The following TBL1XR1 variants were observed in gnomAD, a reference collection of about 807,000 sequenced individuals.
The protein encoded by TBL1XR1 is F-box-like/WD repeat-containing protein TBL1XR1.
In TBL1XR1, 5 loss-of-function variants were observed where a neutral mutation model predicts 66.9. That is an observed-to-expected ratio of 0.07 (90% CI 0.04 to 0.16). The LOEUF (loss-of-function observed/expected upper bound fraction) is 0.16. Ranked by LOEUF, TBL1XR1 falls within the 10% of genes least tolerant of loss-of-function variation. The pLI is 1.00. For synonymous variants in TBL1XR1, 210 were observed against 206.0 expected (o/e 1.02, Z -0.17); for missense variants, 238 against 623.2 (o/e 0.38, Z 6.58).
chr3:177,051,607 T>A lies in TBL1XR1; in HGVS notation c.324A>T (p.Ala108=), dbSNP rs767835981. The A allele has an allele frequency of 6.2e-7, 1 of 1,613,564 alleles. No individual in the cohort carries two copies. The highest frequency in any genetic ancestry group is 1.1e-5 in the South Asian group (1 of 91,080). The part of the protein sequence containing the change: ...AYRDKLAQQQ[A]AAAAAAAAAA... Reference sequence around the variant, plus strand: ...CAGCTGCGGCAGCTGCAGCAGCTGCTGCCTGTTGCTGTGCAAGCTTATCTC... The same window carrying A: ...CAGCTGCGGCAGCTGCAGCAGCTGCAGCCTGTTGCTGTGCAAGCTTATCTC... The change falls in exon 5 of 16, where the codon GCA becomes GCT. Residue 108 remains alanine, a synonymous_variant. Coordinates refer to ENST00000457928, the MANE Select transcript of TBL1XR1 (RefSeq NM_024665.7).
chr3:177,184,092 C>T (rs956759056), intron 1 of TBL1XR1, among the ~76,000 whole-genome samples: 9 of 152,134 alleles, frequency 5.9e-5, no homozygotes, highest in Non-Finnish European at 1.0e-4. Flanking sequence ...TCTGAGGTTG[C>T]TCCAGTTGAA....
intron 1 of TBL1XR1, among the ~76,000 whole-genome samples, chr3:177,111,350 G>A (rs924818790): frequency 1.3e-5 from 2 of 150,468 alleles, no homozygotes; most frequent in African/African-American, 4.9e-5. Flanking sequence ...TCGGCTCACT[G>A]CAACCTCTGC....
chr3:177,100,872 C>T (rs6794256), intron 1 of TBL1XR1, among the ~76,000 whole-genome samples: 42,107 of 94,598 alleles, frequency 0.45, 6,497 homozygotes, highest in Admixed American at 0.5. Context: ...TTTTTTTTTT[C>T]TTTGAGACGG....
chr3:177,034,458 T>C (rs1714478891), intron 12 of TBL1XR1, 133 bp from the exon 13 acceptor site: 1 of 561,826 alleles, frequency 1.8e-6, no homozygotes, highest in Admixed American at 4.3e-5. Context: ...TGATAGAATA[T>C]TTACAAAGAA....
At chr3:177,199,792 C>T (rs553659206), upstream of TBL1XR1, among the ~76,000 whole-genome samples, 1 of 152,230 alleles carries the variant, frequency 6.6e-6, no homozygotes, top group Non-Finnish European at 1.5e-5. Flanking sequence ...AGCCTCCTCA[C>T]AATGATAATA....
intron 1 of TBL1XR1, among the ~76,000 whole-genome samples, chr3:177,128,188 C>T (rs1161158656): frequency 6.6e-6 from 1 of 151,976 alleles, no homozygotes; most frequent in Non-Finnish European, 1.5e-5. Context: ...CACTGCACTT[C>T]AGCCTGGGTG....
At chr3:177,039,870 C>T (rs1160180750) in intron 10 of TBL1XR1, among the ~76,000 whole-genome samples, 1 of 152,150 alleles carries the variant, frequency 6.6e-6, no homozygotes, top group African/African-American at 2.4e-5. Context: ...CAGACAAATG[C>T]ATGAAGTTGC....
chr3:177,163,396 C>T (rs1353124098), intron 1 of TBL1XR1, among the ~76,000 whole-genome samples: 3 of 151,876 alleles, frequency 2.0e-5, no homozygotes, highest in Non-Finnish European at 4.4e-5. Context: ...GTAATCCCAG[C>T]TACTCAGGAG....
intron 1 of TBL1XR1, among the ~76,000 whole-genome samples, chr3:177,187,514 G>A (rs974007772): frequency 1.3e-5 from 2 of 151,766 alleles, no homozygotes; most frequent in African/African-American, 2.4e-5. Flanking sequence ...CATCTTAATA[G>A]ACATTTATAG....
chr3:177,170,877 T>C (rs1056389593), intron 1 of TBL1XR1, among the ~76,000 whole-genome samples: 3 of 151,770 alleles, frequency 2.0e-5, no homozygotes, highest in Admixed American at 1.3e-4. Flanking sequence ...AGTGCTGGGA[T>C]TGCAGGCATG....
intron 3 of TBL1XR1, among the ~76,000 whole-genome samples, chr3:177,062,642 C>A (rs1189465634): frequency 3.3e-5 from 5 of 152,288 alleles, no homozygotes; most frequent in African/African-American, 1.2e-4. Flanking sequence ...TGTGATTTAG[C>A]ATCACCACTA....
At chr3:177,137,137 G>T (rs1423541329) in intron 1 of TBL1XR1, among the ~76,000 whole-genome samples, 2 of 151,904 alleles carry the variant, frequency 1.3e-5, no homozygotes, top group South Asian at 4.1e-4. Flanking sequence ...TATGGGGGGG[G>T]AAAGATGACT....
At chr3:177,082,863 C>T (rs755940018) in intron 2 of TBL1XR1, among the ~76,000 whole-genome samples, 27 of 149,604 alleles carry the variant, frequency 1.8e-4, no homozygotes, top group Non-Finnish European at 3.4e-4. Flanking sequence ...TCACGCCATT[C>T]TCCTGCCTCA....
At chr3:177,157,492 C>T (rs1046564164) in intron 1 of TBL1XR1, among the ~76,000 whole-genome samples, 1 of 152,140 alleles carries the variant, frequency 6.6e-6, no homozygotes, top group African/African-American at 2.4e-5. Context: ...AGAAATAGCA[C>T]ATTTGTACTC....
At chr3:177,106,196 G>T (rs572843911) in intron 1 of TBL1XR1, among the ~76,000 whole-genome samples, 18 of 152,194 alleles carry the variant, frequency 1.2e-4, no homozygotes, top group African/African-American at 4.1e-4. Context: ...GCCCAAATGA[G>T]CCTCAGCTAT....
At chr3:177,033,865 G>C (rs1010145195) in intron 13 of TBL1XR1, among the ~76,000 whole-genome samples, 1 of 152,062 alleles carries the variant, frequency 6.6e-6, no homozygotes, top group African/African-American at 2.4e-5. Flanking sequence ...CTTGTAAGTG[G>C]GAGCTAAGCT....
In TBL1XR1 at chr3:177,063,003, G is replaced by A. The variant is rs560345168; in HGVS notation, c.58+1917C>T. Among the ~76,000 whole-genome samples the A allele has an allele frequency of 5.3e-5, 8 of 152,036 alleles. No individual in the cohort carries two copies. The South Asian group carries it at 1.5e-3, about 28-fold the overall frequency. ...TACAAAATTAGCCAGGCATGGTGGT[G>A]CATGCCTAGAATCCCAGCTACTTGG... On this transcript the variant is annotated intron_variant, in intron 3 of 15. Coordinates refer to ENST00000457928, the MANE Select transcript of TBL1XR1 (RefSeq NM_024665.7).
chr3:177,186,751 C>T (rs918292649), intron 1 of TBL1XR1, among the ~76,000 whole-genome samples: 2 of 152,086 alleles, frequency 1.3e-5, no homozygotes, highest in Admixed American at 6.5e-5. Context: ...CTTAAATACT[C>T]TAAAAAAAAT....
chr3:177,099,244 G>A (rs907745159), intron 1 of TBL1XR1, among the ~76,000 whole-genome samples: 5 of 152,122 alleles, frequency 3.3e-5, no homozygotes, highest in African/African-American at 1.2e-4. Context: ...GCGGGCACCT[G>A]TAATCCCAGC....
Sources: allele counts gnomAD v4.1 joint callset (sites outside exome capture counted in the v4.1 genomes callset), GRCh38; gene constraint gnomAD v4.1.1; transcripts MANE v1.5; gene names NCBI Gene and HGNC (gene_info 2026-07-23, HGNC 2026-07-21).